The following SMAD3 variants were observed in gnomAD, a reference collection of about 807,000 sequenced individuals.
SMAD3 encodes SMAD family member 3, also known as MAD homolog 3.
A neutral mutation model predicts 51.8 loss-of-function variants in SMAD3; 12 were observed. That is an observed-to-expected ratio of 0.23 (90% CI 0.15 to 0.38). The LOEUF (loss-of-function observed/expected upper bound fraction) is 0.38. SMAD3 is among the 10% of genes least tolerant of loss of function. SMAD3 has a pLI of 1.00. For synonymous variants in SMAD3, 238 were observed against 227.7 expected, an observed-to-expected ratio of 1.05 and a Z score of -0.41; for missense variants, 294 against 565.6, an observed-to-expected ratio of 0.52 and a Z score of 4.87.
At chr15:67,187,558 C>A (rs753970571) in intron 8 of SMAD3, 49 bp downstream of exon 8, 3 of 1,609,730 alleles carry the variant, frequency 1.9e-6, no homozygotes, top group Non-Finnish European at 2.6e-6. Context: ...CCAGGTGACT[C>A]TGGACAGCAG....
At chr15:67,117,300 A>G (rs1435526745) in intron 1 of SMAD3, among the ~76,000 whole-genome samples, 1 of 152,152 alleles carries the variant, frequency 6.6e-6, no homozygotes, top group Non-Finnish European at 1.5e-5. Context: ...CACTCAAATG[A>G]TGACCCCAGG....
intron 1 of SMAD3, among the ~76,000 whole-genome samples, chr15:67,071,044 C>T (rs1342359480): frequency 3.9e-5 from 6 of 152,168 alleles, no homozygotes; most frequent in Non-Finnish European, 8.8e-5. Context: ...CAAAGAGCTC[C>T]CTGTCTAGAG....
At chr15:67,120,077 G>A (rs886432167) in intron 1 of SMAD3, among the ~76,000 whole-genome samples, 4 of 152,200 alleles carry the variant, frequency 2.6e-5, no homozygotes, top group Admixed American at 6.5e-5. Context: ...GATTAAAGGC[G>A]TGAGCCACTG....
At chr15:67,155,401 T>C (rs1172628546) in intron 1 of SMAD3, among the ~76,000 whole-genome samples, 2 of 152,246 alleles carry the variant, frequency 1.3e-5, no homozygotes, top group Admixed American at 1.3e-4. Flanking sequence ...TATTTGTTCC[T>C]TTATTAAGCA....
chr15:67,070,734 T>C (rs1252024934), intron 1 of SMAD3, among the ~76,000 whole-genome samples: 2 of 151,308 alleles, frequency 1.3e-5, no homozygotes, highest in Admixed American at 6.6e-5. Context: ...TAGAATTCAC[T>C]ATGTTAGGAA....
chr15:67,107,227 A>G (rs1960899010), intron 1 of SMAD3, among the ~76,000 whole-genome samples: 1 of 152,088 alleles, frequency 6.6e-6, no homozygotes, highest in African/African-American at 2.4e-5. Flanking sequence ...TGGGCCTTGG[A>G]TGCCAAAGGA....
intron 1 of SMAD3, among the ~76,000 whole-genome samples, chr15:67,144,011 A>G (rs561331435): frequency 3.7e-4 from 56 of 151,918 alleles, no homozygotes; most frequent in African/African-American, 1.3e-3. Flanking sequence ...TGTAATATGC[A>G]ATAAAAGGCA....
In SMAD3 at chr15:67,192,926, C is replaced by T. The variant is rs1963404166; in HGVS notation, c.*2390C>T. On this transcript the variant is annotated 3_prime_UTR_variant, in exon 9 of 9. Coordinates refer to ENST00000327367, the MANE Select transcript of SMAD3 (RefSeq NM_005902.4). ...TTTGTGTTTTTCCAAAGGATACTTCCTTGGCCCTTTTTCTTTATTGACTAG... is the reference window on the plus strand; with the variant it reads ...TTTGTGTTTTTCCAAAGGATACTTCTTTGGCCCTTTTTCTTTATTGACTAG... 8.6e-6 allele frequency: 2 copies of T among 233,086 alleles called. No individual in the cohort carries two copies. The highest frequency in any genetic ancestry group is 4.4e-5 in the African/African-American group (2 of 45,308). The allele number at this position is 233,086 out of a possible 1,614,324, so 14.4% of individuals were successfully genotyped here.
intron 1 of SMAD3, among the ~76,000 whole-genome samples, chr15:67,164,240 G>A (rs1479612515): frequency 3.4e-5 from 5 of 147,440 alleles, no homozygotes; most frequent in Non-Finnish European, 7.4e-5. Flanking sequence ...GCATGAACCC[G>A]GGAGGCAGAG....
intron 1 of SMAD3, among the ~76,000 whole-genome samples, chr15:67,148,626 C>T (rs2140274131): frequency 6.6e-6 from 1 of 152,318 alleles, no homozygotes; most frequent in South Asian, 2.1e-4. Context: ...TTTAATTGCA[C>T]CTCTCAAGAC....
intron 1 of SMAD3, among the ~76,000 whole-genome samples, chr15:67,130,612 G>A (rs1014355135): frequency 5.9e-5 from 9 of 152,134 alleles, no homozygotes; most frequent in Admixed American, 4.6e-4. Context: ...CATCTCTGGT[G>A]CCAAAAAGAT....
chr15:67,098,888 T>C, intron 1 of SMAD3: 1 of 702,160 alleles, frequency 1.4e-6, no homozygotes, highest in Non-Finnish European at 2.6e-6. Flanking sequence ...GAGGGTGGAC[T>C]CCGTTCCTGA....
chr15:67,079,421 A>G (rs1960236721), intron 1 of SMAD3, among the ~76,000 whole-genome samples: 1 of 152,192 alleles, frequency 6.6e-6, no homozygotes, highest in African/African-American at 2.4e-5. Context: ...GCACAAAATT[A>G]TATTGGAATA....
intron 1 of SMAD3, among the ~76,000 whole-genome samples, chr15:67,089,202 C>T (rs893999230): frequency 3.3e-5 from 5 of 152,198 alleles, no homozygotes; most frequent in African/African-American, 9.6e-5. Context: ...CCCAGAGGGA[C>T]ACCCAGAAAT....
At chr15:67,096,828 A>G (rs575206802) in intron 1 of SMAD3, among the ~76,000 whole-genome samples, 1 of 152,304 alleles carries the variant, frequency 6.6e-6, no homozygotes, top group East Asian at 1.9e-4. Flanking sequence ...GAAGCATCAT[A>G]TAGGCAAGTG....
intron 5 of SMAD3, among the ~76,000 whole-genome samples, chr15:67,172,804 G>A (rs767579089): frequency 8.5e-5 from 13 of 152,134 alleles, no homozygotes; most frequent in South Asian, 2.1e-4. Context: ...TTGCTGGGCC[G>A]TTTAGACCAC....
intron 8 of SMAD3, among the ~76,000 whole-genome samples, chr15:67,187,956 A>G (rs936365388): frequency 6.6e-6 from 1 of 152,062 alleles, no homozygotes; most frequent in Non-Finnish European, 1.5e-5. Flanking sequence ...TTAGGTCTTC[A>G]GCTCATTGTT....
At chr15:67,167,995 C>T (rs920689335) in intron 4 of SMAD3, among the ~76,000 whole-genome samples, 4 of 152,234 alleles carry the variant, frequency 2.6e-5, no homozygotes, top group African/African-American at 9.6e-5. Flanking sequence ...CCTCTGTTGC[C>T]CAGGCTGGCG....
chr15:67,187,199 C>A, intron 7 of SMAD3, 166 bp from the exon 8 acceptor site: 1 of 826,618 alleles, frequency 1.2e-6, no homozygotes, highest in Non-Finnish European at 2.0e-6. Context: ...CTTCCCTTTG[C>A]ATGGTACTGA....
Sources: allele counts gnomAD v4.1 joint callset (sites outside exome capture counted in the v4.1 genomes callset), GRCh38; gene constraint gnomAD v4.1.1; transcripts MANE v1.5; gene names NCBI Gene and HGNC (gene_info 2026-07-23, HGNC 2026-07-21).